The following ALPL variants were observed in gnomAD, a reference collection of about 807,000 sequenced individuals.
The protein encoded by ALPL is alkaline phosphatase, tissue-nonspecific isozyme.
A neutral mutation model predicts 51.3 loss-of-function variants in ALPL; 42 were observed. That is an observed-to-expected ratio of 0.82 (90% confidence interval 0.64 to 1.06). The LOEUF (loss-of-function observed/expected upper bound fraction) is 1.06. ALPL is among the 50% of genes least tolerant of loss of function. ALPL has a pLI of 0.00. For synonymous variants in ALPL, 279 were observed against 296.4 expected, an observed-to-expected ratio of 0.94 and a Z score of 0.60; for missense variants, 589 against 709.4, an observed-to-expected ratio of 0.83 and a Z score of 1.93.
Position 21,560,615 on chromosome 1 carries a change from T to C in ALPL, c.62-11T>C, listed in dbSNP as rs765984767. The C allele has an allele frequency of 1.9e-6, 3 of 1,614,020 alleles. No homozygotes were observed. In the African/African-American group the frequency reaches 4.0e-5, roughly 22 times the overall value. On this transcript the variant is annotated splice_polypyrimidine_tract_variant and intron_variant, in intron 2 of 11. Transcript: ENST00000374840. ...TTACCCCGCCAAGTAACTGCCTCTC[T>C]CTGTGTTTAGAGAAAGAGAAAGACC...
In ALPL at chr1:21,551,719, G is replaced by GTTTTTTTTTTTTTTTTTT. The variant is rs397861981; in HGVS notation, c.-104-2250_-104-2233dup. Reference sequence around the variant, plus strand: ...CTGGCACTGGAGCGCAGCTTGCGTGGTTTTTTTTTTTTTTTTTTTTTTTTT... The same window carrying GTTTTTTTTTTTTTTTTTT: ...CTGGCACTGGAGCGCAGCTTGCGTGGTTTTTTTTTTTTTTTTTTTTTTTTTTTTTTTTTTTTTTTTTTT... On this transcript the variant is annotated intron_variant, in intron 1 of 11. Transcript: ENST00000374840. Among the ~76,000 whole-genome samples the GTTTTTTTTTTTTTTTTTT allele has an allele frequency of 9.8e-5, 6 of 61,440 alleles. 2 individuals are homozygous for GTTTTTTTTTTTTTTTTTT. The highest frequency in any genetic ancestry group is 1.5e-4 in the Non-Finnish European group (5 of 33,676). 40.3% of individuals were successfully genotyped at this position (61,440 alleles called of 152,430 possible).
At chr1:21,541,035 G>A (rs916994549) in intron 1 of ALPL, among the ~76,000 whole-genome samples, 2 of 152,190 alleles carry the variant, frequency 1.3e-5, no homozygotes, top group Non-Finnish European at 2.9e-5. Flanking sequence ...GAGCTTCTGG[G>A]TTCTAGAGTC....
chr1:21,551,719 G>GTTTTTTTT (rs397861981), intron 1 of ALPL, among the ~76,000 whole-genome samples: 793 of 61,428 alleles, frequency 0.013, 144 homozygotes, highest in Middle Eastern at 0.024. Flanking sequence ...AGCTTGCGTG[G>GTTTTTTTT]TTTTTTTTTT....
chr1:21,575,422 AGCTAGAGACAGT>A (rs1644713151), intron 9 of ALPL, among the ~76,000 whole-genome samples: 2 of 152,272 alleles, frequency 1.3e-5, no homozygotes, highest in African/African-American at 2.4e-5. Flanking sequence ...TCCTTCAAGC[AGCTAGAGACAGT>A]GCTGGGAGGG....
chr1:21,514,898 C>T (rs1319797659), intron 1 of ALPL, among the ~76,000 whole-genome samples: 1 of 152,094 alleles, frequency 6.6e-6, no homozygotes, highest in Admixed American at 6.6e-5. Context: ...AGGGCAGACA[C>T]CTTAGGATTA....
Position 21,532,123 on chromosome 1 carries a change from T to A in ALPL, c.-104-21855T>A, listed in dbSNP as rs532443576. Among the ~76,000 whole-genome samples the A allele has an allele frequency of 1.9e-3, 288 of 152,240 alleles. 2 individuals carry two copies. Among genetic ancestry groups the A allele is most frequent in the Middle Eastern group, 6.8e-3 (2 of 294 alleles). On this transcript the variant is annotated intron_variant, in intron 1 of 11. Coordinates refer to ENST00000374840, the MANE Select transcript of ALPL (RefSeq NM_000478.6). ...AGCCAGAGCACAATGAATTCAAAAG[T>A]AAAACCATAAACTGATTAGAGACAA...
At chr1:21,554,805 CTGTCTGT>C (rs1221136393) in intron 2 of ALPL, among the ~76,000 whole-genome samples, 1 of 10,196 alleles carries the variant, frequency 9.8e-5, no homozygotes, top group Middle Eastern at 0.038. Flanking sequence ...GTCTGTCTGT[CTGTCTGT>C]CTGTCTTTCT....
At chr1:21,554,970 C>T (rs1203308510) in intron 2 of ALPL, among the ~76,000 whole-genome samples, 3 of 150,836 alleles carry the variant, frequency 2.0e-5, no homozygotes, top group Middle Eastern at 6.9e-3. Flanking sequence ...TTTTCTCTCG[C>T]ATCCGAGTGA....
chr1:21,537,185 C>T (rs1300400041), intron 1 of ALPL, among the ~76,000 whole-genome samples: 1 of 152,262 alleles, frequency 6.6e-6, no homozygotes, highest in Non-Finnish European at 1.5e-5. Flanking sequence ...CGTGAGCCAC[C>T]GTGCCCGGCC....
At chr1:21,547,317 C>G (rs771947441) in intron 1 of ALPL, among the ~76,000 whole-genome samples, 37 of 152,144 alleles carry the variant, frequency 2.4e-4, no homozygotes, top group Non-Finnish European at 3.7e-4. Context: ...AAGCGGGTCA[C>G]GGCCACTGAC....
At chr1:21,547,556 A>G (rs1331527119) in intron 1 of ALPL, among the ~76,000 whole-genome samples, 1 of 152,172 alleles carries the variant, frequency 6.6e-6, no homozygotes, top group Non-Finnish European at 1.5e-5. Flanking sequence ...CTCCCCCTGC[A>G]TCCCGCCAAA....
chr1:21,535,614 C>CA (rs879505639), intron 1 of ALPL, among the ~76,000 whole-genome samples: 76 of 145,976 alleles, frequency 5.2e-4, no homozygotes, highest in African/African-American at 9.8e-4. Context: ...GACCCTGTCT[C>CA]AAAAAAAAAA....
Position 21,573,684 on chromosome 1 carries a change from C to A in ALPL, c.882C>A (p.Asp294Glu), listed in dbSNP as rs1366524140. The A allele has an allele frequency of 3.1e-6, 5 of 1,614,000 alleles. No homozygotes were observed. Among genetic ancestry groups the A allele is most frequent in the Non-Finnish European group, 4.2e-6 (5 of 1,179,992 alleles). Residue 294 changes from aspartate to glutamate, a missense_variant, in exon 9 of 12, where the codon GAC (aspartate) becomes GAA (glutamate). By Grantham distance (45) the Asp-to-Glu change is conservative. Transcript: ENST00000374840. ...DYLLGLFEPG[D>E]MQYELNRNNV... Reference sequence around the variant, plus strand: ...CCTCAGGTCTCTTCGAGCCAGGGGACATGCAGTACGAGCTGAACAGGAACA... The same window carrying A: ...CCTCAGGTCTCTTCGAGCCAGGGGAAATGCAGTACGAGCTGAACAGGAACA...
intron 1 of ALPL, among the ~76,000 whole-genome samples, chr1:21,527,259 C>T (rs569613295): frequency 7.2e-5 from 11 of 151,972 alleles, no homozygotes; most frequent in East Asian, 1.9e-4. Flanking sequence ...CTCGAACTCC[C>T]GACCTCAGGT....
chr1:21,528,331 T>C (rs1463150839), intron 1 of ALPL, among the ~76,000 whole-genome samples: 1 of 146,788 alleles, frequency 6.8e-6, no homozygotes, highest in African/African-American at 2.5e-5. Context: ...ATTACATGCC[T>C]GACCTATTCA....
chr1:21,548,054 C>T (rs1558540043), intron 1 of ALPL, among the ~76,000 whole-genome samples: 1 of 152,216 alleles, frequency 6.6e-6, no homozygotes, highest in Non-Finnish European at 1.5e-5. Context: ...GGGGCTTCTG[C>T]ACTGGCCATG....
At chr1:21,549,146 C>T (rs1311861958) in intron 1 of ALPL, among the ~76,000 whole-genome samples, 1 of 152,186 alleles carries the variant, frequency 6.6e-6, no homozygotes, top group Non-Finnish European at 1.5e-5. Context: ...AAGCCTTTAT[C>T]AGATTAAGGA....
chr1:21,526,111 T>G (rs532595698), intron 1 of ALPL, among the ~76,000 whole-genome samples: 95 of 152,302 alleles, frequency 6.2e-4, no homozygotes, highest in African/African-American at 2.2e-3. Context: ...TTGGGCAGAA[T>G]GGCCGCAAAG....
At chr1:21,545,817 T>G (rs1644247254) in intron 1 of ALPL, among the ~76,000 whole-genome samples, 1 of 152,026 alleles carries the variant, frequency 6.6e-6, no homozygotes, top group South Asian at 2.1e-4. Context: ...TTTTTTATAT[T>G]TTATTTTATT....
Sources: gnomAD v4.1 joint callset for allele counts (sites outside exome capture counted in the v4.1 genomes callset) on GRCh38, gnomAD v4.1.1 for gene constraint, MANE v1.5 for transcripts, NCBI Gene and HGNC (gene_info 2026-07-23, HGNC 2026-07-21) for gene names.